DDX60: variants seen among roughly 807,000 people sequenced by gnomAD.
The protein encoded by DDX60 is probable ATP-dependent RNA helicase DDX60.
A neutral mutation model predicts 212.8 loss-of-function variants in DDX60; 165 were observed. The ratio of observed to expected loss-of-function variants is 0.78; its 90% CI spans 0.68 to 0.88. DDX60 has a LOEUF of 0.88. DDX60 is among the 40% of genes least tolerant of loss of function. The probability of loss-of-function intolerance (pLI) is 0.00; values close to 1 mark genes in which losing one functional copy is unlikely to be tolerated. For synonymous variants in DDX60, 703 were observed against 685.3 expected (o/e 1.03, Z -0.40); for missense variants, 1,905 against 2,003.9 (o/e 0.95, Z 0.94).
At chr4:168,237,863 T>C (rs1733685726) in intron 30 of DDX60, 68 bp from the exon 31 acceptor site, 1 of 1,157,292 alleles carries the variant, frequency 8.6e-7, no homozygotes, top group South Asian at 1.5e-5. Flanking sequence ...AAAATGATAA[T>C]AAATGATAGA....
In DDX60 at chr4:168,252,442, C is replaced by T. The variant is rs768079964; in HGVS notation, c.3705+67G>A. ...ATGCATATATCTTATTAAGCATTAT[C>T]TACAACTAACAAGCTATGGCTGACA... On this transcript the variant is annotated intron_variant, in intron 27 of 37. Transcript: ENST00000393743. 89 of 1,579,328 alleles carry T rather than the reference C, an allele frequency of 5.6e-5. 1 individual carries two copies. The highest frequency in any genetic ancestry group is 5.4e-5 in the African/African-American group (4 of 73,826).
chr4:168,290,554 T>C (rs1736048692), intron 8 of DDX60, among the ~76,000 whole-genome samples: 1 of 152,024 alleles, frequency 6.6e-6, no homozygotes, highest in Non-Finnish European at 1.5e-5. Flanking sequence ...TTAGCCAGGA[T>C]GGTCTTGATC....
In DDX60 at chr4:168,278,875, C is replaced by A. The variant is rs373828420; in HGVS notation, c.1978+1460G>T. On this transcript the variant is annotated intron_variant, in intron 14 of 37. Transcript: ENST00000393743. ...CTACTGACTGAAGAGGCTCCATCTG[C>A]CAATGAAGAAGCTGCTGCCACATTT... Among the ~76,000 whole-genome samples the A allele has an allele frequency of 2.6e-5, 4 of 152,176 alleles. 1 individual carries two copies. Among genetic ancestry groups the A allele is most frequent in the African/African-American group, 9.6e-5 (4 of 41,524 alleles).
At chr4:168,304,205 A>G (rs1736776289) in intron 5 of DDX60, among the ~76,000 whole-genome samples, 1 of 152,206 alleles carries the variant, frequency 6.6e-6, no homozygotes, top group Admixed American at 6.5e-5. Context: ...TTGTTATCAT[A>G]GAAGATGACA....
the DDX60 span, among the ~76,000 whole-genome samples, chr4:168,325,792 C>G: frequency 6.6e-6 from 1 of 152,244 alleles, no homozygotes; most frequent in African/African-American, 2.4e-5. Context: ...AGTTGCAGAG[C>G]AACTGTCTTC....
upstream of DDX60, among the ~76,000 whole-genome samples, chr4:168,319,654 C>T (rs1404535708): frequency 6.6e-6 from 1 of 152,166 alleles, no homozygotes; most frequent in African/African-American, 2.4e-5. Context: ...TTTCGATACT[C>T]ATCTCCTTTC....
chr4:168,287,273 T>C (rs1366726823), intron 9 of DDX60, 70 bp from the exon 10 acceptor site: 41 of 1,353,226 alleles, frequency 3.0e-5, no homozygotes, highest in Non-Finnish European at 4.2e-5. Context: ...TTAGTCACAT[T>C]TTGAGTAAAT....
Position 168,302,414 on chromosome 4 carries a change from A to G in DDX60, c.609T>C (p.Asn203=). Residue 203 remains asparagine (N), a splice_region_variant and synonymous_variant, in exon 6 of 38, where the codon AAT becomes AAC. Coordinates refer to ENST00000393743, the MANE Select transcript of DDX60 (RefSeq NM_017631.6). ...MYRHQIFSWK[N]KQNIKDAYTT... is the part of the protein sequence containing the mutation. ...TATAAGCATCTTTAATGTTCTGCTT[A>G]TTCTGTAAAATAAAGAAAAATCAGA... The G allele has an allele frequency of 1.4e-6, 2 of 1,391,766 alleles. No individual in the cohort carries two copies. Among genetic ancestry groups the G allele is most frequent in the Non-Finnish European group, 1.9e-6 (2 of 1,046,720 alleles). The allele number at this position is 1,391,766 out of a possible 1,614,324, so 86.2% of individuals were successfully genotyped here. A position where few individuals can be genotyped will look rare whatever the true frequency, so the allele number is the denominator to read the frequency against.
chr4:168,228,259 T>C (rs2149492580), intron 33 of DDX60, among the ~76,000 whole-genome samples: 1 of 152,270 alleles, frequency 6.6e-6, no homozygotes, highest in Non-Finnish European at 1.5e-5. Flanking sequence ...AACCATCATG[T>C]ATGCAGTCTG....
At chr4:168,307,720 G>A (rs1736947412) in intron 4 of DDX60, among the ~76,000 whole-genome samples, 1 of 152,144 alleles carries the variant, frequency 6.6e-6, no homozygotes, top group Non-Finnish European at 1.5e-5. Flanking sequence ...CAGGAGAACT[G>A]GAATCCAGAG....
At chr4:168,307,482 C>T (rs1466839213) in intron 4 of DDX60, among the ~76,000 whole-genome samples, 1 of 152,126 alleles carries the variant, frequency 6.6e-6, no homozygotes, top group Non-Finnish European at 1.5e-5. Flanking sequence ...CTCACTATGT[C>T]ACCCAGGCTG....
chr4:168,226,380 T>C (rs1733255871), intron 33 of DDX60, among the ~76,000 whole-genome samples: 2 of 152,048 alleles, frequency 1.3e-5, no homozygotes, highest in Non-Finnish European at 1.5e-5. Flanking sequence ...TCCTCATAAC[T>C]GGAATTAGTG....
Position 168,306,588 on chromosome 4 carries a change from T to G in DDX60, c.397A>C (p.Ser133Arg). The G allele has an allele frequency of 6.2e-7, 1 of 1,614,176 alleles. No homozygotes were observed. Among genetic ancestry groups the G allele is most frequent in the Non-Finnish European group, 8.5e-7 (1 of 1,180,012 alleles). The change falls in exon 5 of 38, where the codon AGT becomes CGT. Residue 133 changes from serine (S) to arginine (R), a missense_variant. Transcript: ENST00000393743. ...TATGGGTAACTCTCTTCCAAGAAAC[T>G]TCCCCACTCTTTTGATAAGCATCTC... is the stretch of plus-strand genomic sequence containing the variant. ...FSRCLSKEWG[S>R]FLEESYPYFL...
rs775193865 is a variant in DDX60, at chr4:168,252,633, G to A, written c.3581C>T (p.Thr1194Ile). Residue 1194 changes from threonine (T) to isoleucine (I), a missense_variant, in exon 27 of 38, where the codon ACC (threonine) becomes ATC (isoleucine). Coordinates refer to ENST00000393743, the MANE Select transcript of DDX60 (RefSeq NM_017631.6). ...KIIDEKSQKK[T>I]RNVDQSLIHE... ...TATTAGGCTTTGATCCACATTTCTG[G>A]TTTTTTTCTGGCTCTTTTCATCTCT... 2.5e-6 allele frequency: 4 copies of A among 1,609,844 alleles called. No individual in the cohort carries two copies. The highest frequency in any genetic ancestry group is 2.2e-5 in the East Asian group (1 of 44,724).
At position 168,268,942 on chromosome 4, in the gene DDX60, C is replaced by T. The variant is rs1309538586; in HGVS notation, c.2698G>A (p.Ala900Thr). 1 of 1,585,738 alleles carries T rather than the reference C, an allele frequency of 6.3e-7. No individual in the cohort carries two copies. The highest frequency in any genetic ancestry group is 8.6e-7 in the Non-Finnish European group (1 of 1,162,792). Residue 900 changes from alanine (A) to threonine (T), a missense_variant, in exon 20 of 38, where the codon GCA becomes ACA. Transcript: ENST00000393743. ...EVHCLGGEIGAEIWEHLLVMI... is the reference protein window; with the variant it reads ...EVHCLGGEIGTEIWEHLLVMI... ...ACAAGGAGATGTTCCCAGATTTCTG[C>T]TCCAATTTCTCCACCAAGACAATGA...
intron 33 of DDX60, among the ~76,000 whole-genome samples, chr4:168,233,324 G>A (rs1035661068): frequency 6.6e-6 from 1 of 152,056 alleles, no homozygotes; most frequent in African/African-American, 2.4e-5. Flanking sequence ...ACTAAAAGTA[G>A]ATCTACCATT....
At chr4:168,295,859 A>G (rs891657719) in intron 6 of DDX60, among the ~76,000 whole-genome samples, 1 of 152,218 alleles carries the variant, frequency 6.6e-6, no homozygotes, top group Admixed American at 6.5e-5. Flanking sequence ...ATTTTCAACA[A>G]CATGAATGAA....
intron 6 of DDX60, among the ~76,000 whole-genome samples, chr4:168,295,030 A>G (rs188642412): frequency 1.3e-5 from 2 of 152,292 alleles, no homozygotes; most frequent in East Asian, 3.9e-4. Flanking sequence ...CTACAATGAG[A>G]TATCACCTCA....
intron 24 of DDX60, among the ~76,000 whole-genome samples, chr4:168,261,736 G>A (rs573905010): frequency 6.6e-6 from 1 of 152,176 alleles, no homozygotes; most frequent in South Asian, 2.1e-4. Context: ...TCTATGGATA[G>A]TGAACCTTCT....
Sources: allele counts gnomAD v4.1 joint callset (sites outside exome capture counted in the v4.1 genomes callset), GRCh38; gene constraint gnomAD v4.1.1; transcripts MANE v1.5; gene names NCBI Gene and HGNC (gene_info 2026-07-23, HGNC 2026-07-21).